Variants in TBCE observed in about 807,000 individuals in gnomAD.
TBCE encodes the protein tubulin-specific chaperone E.
In TBCE, 53 loss-of-function variants were observed where a neutral mutation model predicts 77.0. The ratio of observed to expected loss-of-function variants is 0.69; its 90% CI spans 0.55 to 0.87. TBCE has a LOEUF of 0.87. TBCE is among the 40% of genes least tolerant of loss of function. The probability of loss-of-function intolerance (pLI) is 0.00; values close to 1 mark genes in which losing one functional copy is unlikely to be tolerated. For synonymous variants in TBCE, 235 were observed against 241.3 expected, an observed-to-expected ratio of 0.97 and a Z score of 0.24; for missense variants, 624 against 622.4, an observed-to-expected ratio of 1.00 and a Z score of -0.03.
At chr1:235,433,899 A>G in intron 7 of TBCE, 2 of 381,504 alleles carry the variant, frequency 5.2e-6, no homozygotes, top group South Asian at 8.4e-5. Context: ...AAATAATAAT[A>G]TGTGCAGTTA....
intron 1 of TBCE, among the ~76,000 whole-genome samples, chr1:235,372,655 T>G (rs1677039693): frequency 6.6e-6 from 1 of 151,924 alleles, no homozygotes; most frequent in South Asian, 2.1e-4. Context: ...CTGGGCACGG[T>G]GGCTCACGTC....
At chr1:235,446,342 A>G (rs968223542) in intron 15 of TBCE, among the ~76,000 whole-genome samples, 2 of 151,940 alleles carry the variant, frequency 1.3e-5, no homozygotes, top group African/African-American at 4.8e-5. Context: ...ATGCCTGGCT[A>G]ATTTTTGTAT....
rs2102959635 is a variant in TBCE, at chr1:235,449,047, AAG to A, written c.*287_*288del. On this transcript the variant is annotated 3_prime_UTR_variant, in exon 17 of 17. Coordinates refer to ENST00000642610, the MANE Select transcript of TBCE (RefSeq NM_003193.5). ...TGATAAGATTTAAATATTAAATAGA[AAG>A]AAACTAGCTAGCCTAATAAAATCTG... The A allele has an allele frequency of 2.9e-6, 1 of 345,362 alleles. No individual in the cohort carries two copies. The highest frequency in any genetic ancestry group is 4.2e-5 in the Admixed American group (1 of 23,532). The allele number at this position is 345,362 out of a possible 1,614,324, so 21.4% of individuals were successfully genotyped here.
intron 1 of TBCE, among the ~76,000 whole-genome samples, chr1:235,375,816 G>T (rs1677257555): frequency 6.6e-6 from 1 of 152,126 alleles, no homozygotes; most frequent in African/African-American, 2.4e-5. Flanking sequence ...GCCGAGATGG[G>T]TGAATCACCT....
At chr1:235,428,595 C>A (rs76428685) in intron 6 of TBCE, among the ~76,000 whole-genome samples, 3,437 of 151,506 alleles carry the variant, frequency 0.023, 140 homozygotes, top group African/African-American at 0.079. Flanking sequence ...ATTTATCTAA[C>A]TTTAACTTTA....
chr1:235,432,602 A>ACTTTGCACTCCAG (rs1681170663), intron 7 of TBCE, among the ~76,000 whole-genome samples: 1 of 152,074 alleles, frequency 6.6e-6, no homozygotes, highest in African/African-American at 2.4e-5. Context: ...CTAGGATTGC[A>ACTTTGCACTCCAG]CCTTTGCACT....
At chr1:235,383,391 G>A (rs1336434492) in intron 2 of TBCE, among the ~76,000 whole-genome samples, 3 of 151,944 alleles carry the variant, frequency 2.0e-5, no homozygotes, top group African/African-American at 7.3e-5. Flanking sequence ...CATTGAATCT[G>A]TAAATTACCT....
chr1:235,423,342 G>A (rs895487950), intron 5 of TBCE, among the ~76,000 whole-genome samples: 2 of 152,120 alleles, frequency 1.3e-5, no homozygotes, highest in African/African-American at 4.8e-5. Flanking sequence ...GCTGTTGTTC[G>A]TGGTTGATTT....
rs1682920033 is a variant in TBCE at position 235,451,816 on chromosome 1, G to C, written c.*3054G>C. The stretch of plus-strand genomic sequence containing the variant: ...GCAAGAATCCAGAACAGAAATCTCT[G>C]AAGCTAAAGCCAGCTTTGTGCTTGA... On this transcript the variant is annotated 3_prime_UTR_variant, in exon 17 of 17. Coordinates refer to ENST00000642610, the MANE Select transcript of TBCE (RefSeq NM_003193.5). 2.0e-5 allele frequency: 3 copies of C among 152,194 alleles called. No homozygotes were observed. The highest frequency in any genetic ancestry group is 6.5e-5 in the Admixed American group (1 of 15,280). The allele number at this position is 152,194 out of a possible 1,614,324, so 9.4% of individuals were successfully genotyped here.
At chr1:235,377,072 G>T (rs1381710122) in intron 1 of TBCE, among the ~76,000 whole-genome samples, 1 of 152,162 alleles carries the variant, frequency 6.6e-6, no homozygotes, top group African/African-American at 2.4e-5. Flanking sequence ...TTTAGATCTG[G>T]ATCCTGGCCC....
chr1:235,414,596 G>T lies in TBCE; in HGVS notation c.349G>T (p.Asp117Tyr), dbSNP rs1572391818. ...TAAACCTGTGGAGACTATCGGTTTT[G>T]ACTCTATTATGAAACAGCAAAGGTA... ...GNKPVETIGF[D>Y]SIMKQQSQLS... The change falls in exon 4 of 17, where the codon GAC (aspartate) becomes TAC (tyrosine). Residue 117 changes from aspartate (D) to tyrosine (Y), a missense_variant. Asp to Tyr is a radical substitution (Grantham distance 160). Transcript: ENST00000642610. The T allele has an allele frequency of 6.2e-7, 1 of 1,613,666 alleles. No homozygotes were observed. The highest frequency in any genetic ancestry group is 1.1e-5 in the South Asian group (1 of 91,030).
chr1:235,369,247 G>T (rs1297005213), intron 1 of TBCE, among the ~76,000 whole-genome samples: 1 of 152,154 alleles, frequency 6.6e-6, no homozygotes, highest in Non-Finnish European at 1.5e-5. Context: ...GGTGGCTCAT[G>T]CCTGTAATCC....
chr1:235,378,780 G>C (rs913308773), intron 1 of TBCE, among the ~76,000 whole-genome samples: 1 of 152,286 alleles, frequency 6.6e-6, no homozygotes. Context: ...AGAATTGCTT[G>C]AACCCAGCAG....
intron 11 of TBCE, 120 bp from the exon 12 acceptor site, chr1:235,437,202 T>C (rs1341778431): frequency 2.7e-5 from 33 of 1,204,072 alleles, no homozygotes; most frequent in Non-Finnish European, 3.9e-5. Context: ...GCTTAGTGCA[T>C]GATGAAATTC....
intron 13 of TBCE, among the ~76,000 whole-genome samples, chr1:235,439,793 G>A (rs982478907): frequency 2.5e-4 from 38 of 151,468 alleles, no homozygotes; most frequent in African/African-American, 8.7e-4. Context: ...TAGCAGGAAA[G>A]CATTTCTTTT....
chr1:235,442,922 C>T lies in TBCE; in HGVS notation c.1399+11C>T, dbSNP rs759698442. On this transcript the variant is annotated intron_variant, in intron 15 of 16. Coordinates refer to ENST00000642610, the MANE Select transcript of TBCE (RefSeq NM_003193.5). ...AGAAACAACTGCCGGGTAAGAAGAA[C>T]CAGCCTGTCTTTTCCTTAAACTCTG... 2.5e-6 allele frequency: 4 copies of T among 1,613,910 alleles called. No individual in the cohort carries two copies. The highest frequency in any genetic ancestry group is 3.4e-6 in the Non-Finnish European group (4 of 1,179,860).
intron 7 of TBCE, 81 bp downstream of exon 7, chr1:235,430,885 T>C (rs2102913252): frequency 9.0e-7 from 1 of 1,115,354 alleles, no homozygotes; most frequent in Non-Finnish European, 1.3e-6. Context: ...TAGTACAGTT[T>C]AATAGTACAA....
chr1:235,414,472 A>G lies in TBCE; in HGVS notation c.225A>G (p.Val75=), dbSNP rs1199080688. 6.2e-7 allele frequency: 1 copy of G among 1,613,880 alleles called. No homozygotes were observed. The highest frequency in any genetic ancestry group is 8.5e-7 in the Non-Finnish European group (1 of 1,179,988). ...TGGSFIRPNK[V]NFGTDFLTAI... ...GATCCTTTATTCGTCCGAACAAGGT[A>G]AATTTTGGAACAGACTTTCTTACTG... Residue 75 remains valine, a synonymous_variant, in exon 4 of 17, where the codon GTA becomes GTG. Coordinates refer to ENST00000642610, the MANE Select transcript of TBCE (RefSeq NM_003193.5).
intron 2 of TBCE, among the ~76,000 whole-genome samples, chr1:235,381,500 C>T (rs552765700): frequency 1.3e-5 from 2 of 151,710 alleles, no homozygotes; most frequent in East Asian, 2.0e-4. Context: ...CTGGCTAACA[C>T]GGTGAAACCC....
Sources: allele counts gnomAD v4.1 joint callset (sites outside exome capture counted in the v4.1 genomes callset), GRCh38; gene constraint gnomAD v4.1.1; transcripts MANE v1.5; gene names NCBI Gene and HGNC (gene_info 2026-07-23, HGNC 2026-07-21).